Variants in ERBB4 observed in about 807,000 individuals in gnomAD.
ERBB4 encodes erb-b2 receptor tyrosine kinase 4.
In ERBB4, 42 loss-of-function variants were observed where a neutral mutation model predicts 158.0. The observed-to-expected ratio is 0.27, with a 90% CI of 0.21 to 0.34. The LOEUF (loss-of-function observed/expected upper bound fraction) is 0.34, where lower values mean the gene tolerates loss of function less well. ERBB4 is among the 10% of genes least tolerant of loss of function. ERBB4 has a pLI of 1.00. For synonymous variants in ERBB4, 583 were observed against 558.7 expected, an observed-to-expected ratio of 1.04 and a Z score of -0.61; for missense variants, 1,333 against 1,624.1, an observed-to-expected ratio of 0.82 and a Z score of 3.08.
At chr2:211,910,109 A>G (rs1163004092) in intron 3 of ERBB4, among the ~76,000 whole-genome samples, 1 of 151,250 alleles carries the variant, frequency 6.6e-6, no homozygotes, top group Non-Finnish European at 1.5e-5. Context: ...TAGTAGAGAC[A>G]GGGTTTCACC....
intron 1 of ERBB4, among the ~76,000 whole-genome samples, chr2:212,279,737 T>C (rs539790840): frequency 1.3e-3 from 201 of 151,778 alleles, no homozygotes; most frequent in African/African-American, 4.5e-3. Context: ...AATCTTGATC[T>C]TTTTTATTGT....
chr2:211,820,138 C>T (rs1359829658), intron 3 of ERBB4, among the ~76,000 whole-genome samples: 1 of 151,768 alleles, frequency 6.6e-6, no homozygotes, highest in African/African-American at 2.4e-5. Flanking sequence ...ATATCAACAA[C>T]TCACAAATAC....
At chr2:212,237,802 C>A (rs191619108) in intron 1 of ERBB4, among the ~76,000 whole-genome samples, 17 of 152,194 alleles carry the variant, frequency 1.1e-4, no homozygotes, top group Admixed American at 9.2e-4. Flanking sequence ...AGAGAGGCAG[C>A]CTGGCTACAT....
intron 1 of ERBB4, among the ~76,000 whole-genome samples, chr2:212,248,588 A>G (rs1208900314): frequency 6.6e-6 from 1 of 152,138 alleles, no homozygotes; most frequent in Non-Finnish European, 1.5e-5. Context: ...CCAGACTACA[A>G]TCTTGGAGTT....
chr2:212,429,568 C>G (rs1321871212), intron 1 of ERBB4, among the ~76,000 whole-genome samples: 1 of 152,160 alleles, frequency 6.6e-6, no homozygotes, highest in East Asian at 1.9e-4. Context: ...TTCTTATGCC[C>G]ACGGATTATG....
chr2:211,630,630 T>C, intron 16 of ERBB4, 36 bp from the exon 17 acceptor site: 5 of 1,567,434 alleles, frequency 3.2e-6, no homozygotes, highest in Non-Finnish European at 4.4e-6. Flanking sequence ...AAATAAAAAG[T>C]ATGAAGAGAG....
intron 3 of ERBB4, among the ~76,000 whole-genome samples, chr2:211,884,806 T>C (rs937179629): frequency 1.3e-5 from 2 of 152,196 alleles, no homozygotes; most frequent in South Asian, 2.1e-4. Flanking sequence ...TTGGGTTAAG[T>C]TGAAAAAATT....
intron 3 of ERBB4, among the ~76,000 whole-genome samples, chr2:211,851,083 C>A (rs1169970711): frequency 6.6e-6 from 1 of 151,872 alleles, no homozygotes; most frequent in Non-Finnish European, 1.5e-5. Flanking sequence ...TTAGAACTAA[C>A]CAGCCTGCAA....
chr2:212,038,410 C>T (rs1362869226), intron 2 of ERBB4, among the ~76,000 whole-genome samples: 1 of 152,074 alleles, frequency 6.6e-6, no homozygotes, highest in Non-Finnish European at 1.5e-5. Context: ...TTTACTACAA[C>T]TAAGGTATCC....
chr2:212,287,355 G>A (rs529108370), intron 1 of ERBB4, among the ~76,000 whole-genome samples: 1 of 152,270 alleles, frequency 6.6e-6, no homozygotes, highest in African/African-American at 2.4e-5. Flanking sequence ...CTATAGGTGA[G>A]AAGACAGACA....
At chr2:211,435,668 C>CG (rs2063834858) in intron 20 of ERBB4, among the ~76,000 whole-genome samples, 1 of 152,104 alleles carries the variant, frequency 6.6e-6, no homozygotes, top group Non-Finnish European at 1.5e-5. Context: ...TGCATGCGAG[C>CG]GATCTAGGTT....
At chr2:211,729,108 A>G (rs1434791978) in intron 5 of ERBB4, among the ~76,000 whole-genome samples, 2 of 151,838 alleles carry the variant, frequency 1.3e-5, no homozygotes, top group Non-Finnish European at 3.0e-5. Flanking sequence ...TGTGTGGAAG[A>G]AAACTTAAAA....
intron 20 of ERBB4, among the ~76,000 whole-genome samples, chr2:211,508,799 T>C (rs895536485): frequency 1.3e-5 from 2 of 151,970 alleles, no homozygotes; most frequent in Non-Finnish European, 2.9e-5. Flanking sequence ...ATGTGGCACA[T>C]GGCACCTGTA....
intron 1 of ERBB4, among the ~76,000 whole-genome samples, chr2:212,334,641 T>C (rs1169400577): frequency 4.6e-5 from 7 of 152,020 alleles, no homozygotes; most frequent in South Asian, 4.1e-4. Flanking sequence ...GCCTTATTTT[T>C]ATAAGTATTA....
intron 1 of ERBB4, among the ~76,000 whole-genome samples, chr2:212,275,937 T>C (rs1230895959): frequency 1.3e-5 from 2 of 151,790 alleles, no homozygotes; most frequent in Non-Finnish European, 2.9e-5. Flanking sequence ...ATTTTTAGTA[T>C]TTCTAGGCTA....
At chr2:212,497,043 T>A (rs1690615119) in intron 1 of ERBB4, among the ~76,000 whole-genome samples, 1 of 151,938 alleles carries the variant, frequency 6.6e-6, no homozygotes. Flanking sequence ...TAGCTGGTGG[T>A]GGCATGCGCC....
chr2:211,628,886 A>G (rs1042241518), intron 17 of ERBB4, among the ~76,000 whole-genome samples: 1 of 151,992 alleles, frequency 6.6e-6, no homozygotes, highest in African/African-American at 2.4e-5. Context: ...ATGGTATCTC[A>G]TTGTGGTTTT....
intron 20 of ERBB4, 64 bp from the exon 21 acceptor site, chr2:211,431,164 A>G (rs1312737458): frequency 2.0e-6 from 3 of 1,496,694 alleles, no homozygotes; most frequent in Non-Finnish European, 2.8e-6. Flanking sequence ...TTTTTCTAAA[A>G]CAAAGTTTCT....
At chr2:212,526,500 G>T (rs769419299) in intron 1 of ERBB4, among the ~76,000 whole-genome samples, 1 of 151,918 alleles carries the variant, frequency 6.6e-6, no homozygotes, top group African/African-American at 2.4e-5. Flanking sequence ...CATTAATTCC[G>T]AATACGTTTT....
Sources: allele counts gnomAD v4.1 joint callset (sites outside exome capture counted in the v4.1 genomes callset), GRCh38; gene constraint gnomAD v4.1.1; transcripts MANE v1.5; gene names NCBI Gene and HGNC (gene_info 2026-07-23, HGNC 2026-07-21).